The following UNC13C variants were observed in gnomAD, a reference collection of about 807,000 sequenced individuals.
UNC13C encodes the protein protein unc-13 homolog C.
In UNC13C, 174 loss-of-function variants were observed where a neutral mutation model predicts 245.4. The observed-to-expected ratio is 0.71, with a 90% CI of 0.63 to 0.80. UNC13C has a LOEUF of 0.80. Among genes scored for constraint, UNC13C ranks in the 30% least tolerant of loss-of-function variants. UNC13C has a pLI of 0.00. For missense variants in UNC13C, 2,829 were observed against 2,602.9 expected (o/e 1.09, Z -1.89); for synonymous variants, 992 against 895.1 (o/e 1.11, Z -1.93).
chr15:53,926,692 T>C, the UNC13C span, among the ~76,000 whole-genome samples: 2 of 152,132 alleles, frequency 1.3e-5, no homozygotes, highest in African/African-American at 2.4e-5. Flanking sequence ...CCAGATTCTA[T>C]GACAGCACCA....
intron 8 of UNC13C, among the ~76,000 whole-genome samples, chr15:54,257,675 C>T (rs1326298971): frequency 6.6e-6 from 1 of 152,080 alleles, no homozygotes; most frequent in Non-Finnish European, 1.5e-5. Flanking sequence ...TGGGAGATGA[C>T]GCTATGTTAG....
chr15:54,017,537 A>C (rs935782638), intron 2 of UNC13C, among the ~76,000 whole-genome samples: 14 of 151,986 alleles, frequency 9.2e-5, no homozygotes, highest in Admixed American at 2.0e-4. Flanking sequence ...CTGTTGTGAC[A>C]TAATAGAGAA....
intron 4 of UNC13C, among the ~76,000 whole-genome samples, chr15:54,179,893 A>C (rs2033740236): frequency 6.6e-6 from 1 of 152,108 alleles, no homozygotes. Flanking sequence ...TTTAAAAGCA[A>C]TGGTATGTTC....
chr15:54,376,416 A>G (rs1410612054), intron 17 of UNC13C, among the ~76,000 whole-genome samples: 1 of 152,238 alleles, frequency 6.6e-6, no homozygotes, highest in Non-Finnish European at 1.5e-5. Flanking sequence ...GAAAAAGCAT[A>G]TACGAGTTTA....
At chr15:54,200,883 A>G (rs998805001) in intron 4 of UNC13C, among the ~76,000 whole-genome samples, 1 of 152,018 alleles carries the variant, frequency 6.6e-6, no homozygotes, top group Non-Finnish European at 1.5e-5. Flanking sequence ...ATGAAACAAA[A>G]AGTTTGTTCT....
At chr15:54,619,279 C>G (rs1178961761) in intron 30 of UNC13C, among the ~76,000 whole-genome samples, 2 of 152,146 alleles carry the variant, frequency 1.3e-5, no homozygotes, top group Admixed American at 6.5e-5. Context: ...GGATGCTTAT[C>G]TAGAATCTCT....
intron 1 of UNC13C, among the ~76,000 whole-genome samples, chr15:53,988,785 A>T (rs986585962): frequency 2.6e-5 from 4 of 151,960 alleles, no homozygotes; most frequent in Non-Finnish European, 5.9e-5. Context: ...TCACTTTCCA[A>T]ACACTCTGTT....
chr15:54,399,985 G>A (rs2040148759), intron 18 of UNC13C, among the ~76,000 whole-genome samples: 1 of 151,938 alleles, frequency 6.6e-6, no homozygotes, highest in Non-Finnish European at 1.5e-5. Context: ...CTATGCAGTA[G>A]AGTCCTGTAT....
At chr15:54,181,301 A>T (rs1258646456) in intron 4 of UNC13C, among the ~76,000 whole-genome samples, 1 of 152,006 alleles carries the variant, frequency 6.6e-6, no homozygotes, top group Non-Finnish European at 1.5e-5. Flanking sequence ...TGAAGATCAG[A>T]TGGCTGAAGA....
intron 19 of UNC13C, 121 bp from the exon 20 acceptor site, chr15:54,494,487 C>G (rs1451817045): frequency 1.0e-6 from 1 of 954,424 alleles, no homozygotes; most frequent in African/African-American, 1.7e-5. Flanking sequence ...ATTCATTATA[C>G]CTTTACATCT....
chr15:54,622,051 C>T, intron 30 of UNC13C, among the ~76,000 whole-genome samples: 1 of 152,228 alleles, frequency 6.6e-6, no homozygotes, highest in South Asian at 2.1e-4. Flanking sequence ...GCTAGTAAAT[C>T]AACCCTAGTT....
At chr15:54,078,847 G>A (rs559295939) in intron 2 of UNC13C, among the ~76,000 whole-genome samples, 54 of 152,004 alleles carry the variant, frequency 3.6e-4, no homozygotes, top group African/African-American at 1.1e-3. Flanking sequence ...TGTTTCTGTC[G>A]CATTTACTTT....
chr15:54,146,139 T>G (rs1002068975), intron 4 of UNC13C, among the ~76,000 whole-genome samples: 1 of 152,142 alleles, frequency 6.6e-6, no homozygotes, highest in Non-Finnish European at 1.5e-5. Context: ...GATGTGCTTA[T>G]TTTACTTTTT....
the UNC13C span, among the ~76,000 whole-genome samples, chr15:53,924,186 AAC>A: frequency 6.6e-6 from 1 of 152,126 alleles, no homozygotes; most frequent in Admixed American, 6.5e-5. Context: ...CAACCTGGGC[AAC>A]AGAGTGAGAC....
chr15:54,380,693 G>A (rs1026750795), intron 17 of UNC13C, among the ~76,000 whole-genome samples: 6 of 152,012 alleles, frequency 3.9e-5, no homozygotes, highest in African/African-American at 1.4e-4. Context: ...GTTTTAATTT[G>A]CATTTCCCTG....
At chr15:53,946,358 G>C in the UNC13C span, among the ~76,000 whole-genome samples, 1 of 151,894 alleles carries the variant, frequency 6.6e-6, no homozygotes, top group Non-Finnish European at 1.5e-5. Context: ...CTGTATGTCA[G>C]TATGATGTTG....
At chr15:53,900,545 T>G in the UNC13C span, among the ~76,000 whole-genome samples, 1 of 152,096 alleles carries the variant, frequency 6.6e-6, no homozygotes, top group African/African-American at 2.4e-5. Context: ...AGGAAACCAG[T>G]GAGATATGGT....
At chr15:54,554,261 G>A (rs866314884) in intron 28 of UNC13C, among the ~76,000 whole-genome samples, 8 of 151,904 alleles carry the variant, frequency 5.3e-5, no homozygotes, top group African/African-American at 1.5e-4. Context: ...TCAGGAAGTC[G>A]TGGCAACTAC....
chr15:54,599,691 C>T (rs1170768604), intron 30 of UNC13C, among the ~76,000 whole-genome samples: 4 of 152,130 alleles, frequency 2.6e-5, no homozygotes, highest in South Asian at 2.1e-4. Context: ...CTTTAAGTAG[C>T]CTACTTCAGT....
Sources: gnomAD v4.1 joint callset for allele counts (sites outside exome capture counted in the v4.1 genomes callset) on GRCh38, gnomAD v4.1.1 for gene constraint, MANE v1.5 for transcripts, NCBI Gene and HGNC (gene_info 2026-07-23, HGNC 2026-07-21) for gene names.